Variants in HCN4 observed in about 807,000 individuals in gnomAD.
HCN4 encodes the protein potassium/sodium hyperpolarization-activated cyclic nucleotide-gated channel 4.
Under a neutral mutation model 76.9 loss-of-function variants are expected in HCN4, and 29 were observed. That is an observed-to-expected ratio of 0.38 (90% confidence interval 0.28 to 0.51). The LOEUF is 0.51. Ranked by LOEUF, HCN4 falls within the 20% of genes least tolerant of loss-of-function variation. The probability of loss-of-function intolerance (pLI) is 0.90; values close to 1 mark genes in which losing one functional copy is unlikely to be tolerated. For synonymous variants in HCN4, 772 were observed against 762.5 expected, an observed-to-expected ratio of 1.01 and a Z score of -0.21; for missense variants, 1,416 against 1,715.2, an observed-to-expected ratio of 0.83 and a Z score of 3.08.
chr15:73,345,837 C>T (rs1021463799), intron 1 of HCN4, among the ~76,000 whole-genome samples: 5 of 152,164 alleles, frequency 3.3e-5, no homozygotes, highest in African/African-American at 7.2e-5. Context: ...TAATAATACA[C>T]CCAGGCTGGA....
At chr15:73,329,885 A>G in intron 3 of HCN4, 94 bp from the exon 4 acceptor site, 1 of 1,059,330 alleles carries the variant, frequency 9.4e-7, no homozygotes, top group Non-Finnish European at 1.4e-6. Context: ...CCTCAACCTA[A>G]CTTTCTCAGT....
At chr15:73,332,021 C>A in intron 3 of HCN4, 110 bp downstream of exon 3, 1 of 1,077,730 alleles carries the variant, frequency 9.3e-7, no homozygotes, top group African/African-American at 1.5e-5. Context: ...CCAGGCAGCA[C>A]TCAGGGTCCT....
chr15:73,357,205 G>A (rs1279791234), intron 1 of HCN4, among the ~76,000 whole-genome samples: 1 of 152,180 alleles, frequency 6.6e-6, no homozygotes, highest in African/African-American at 2.4e-5. Context: ...AGGAAAGCAA[G>A]ACTCAGAGAG....
intron 1 of HCN4, among the ~76,000 whole-genome samples, chr15:73,362,559 T>A (rs887875125): frequency 6.6e-6 from 1 of 152,130 alleles, no homozygotes. Context: ...CAGAGCTCCG[T>A]CCAAATGCCA....
intron 1 of HCN4, among the ~76,000 whole-genome samples, chr15:73,360,288 A>T (rs756535419): frequency 1.3e-5 from 2 of 152,172 alleles, no homozygotes; most frequent in Non-Finnish European, 2.9e-5. Context: ...TTTGCAGACA[A>T]GACGTTACAC....
rs2043143474 is a variant in HCN4 at position 73,368,795 on chromosome 15, C to A, written c.-525G>T. On this transcript the variant is annotated 5_prime_UTR_variant, in exon 1 of 8. Transcript: ENST00000261917. This position sits in a 1 kb window ranked among gnomAD's most constrained non-coding sequence, Gnocchi z 6.9. ...CTCCTCTGCCCCGGCCCGTCCGGCC[C>A]GTCCCGGGGCTCCCGCCGCAACCGA... The A allele has an allele frequency of 6.6e-6, 1 of 152,034 alleles. No individual in the cohort carries two copies. Among genetic ancestry groups the A allele is most frequent in the African/African-American group, 2.4e-5 (1 of 41,448 alleles). 9.4% of individuals were successfully genotyped at this position (152,034 alleles called of 1,614,324 possible).
chr15:73,327,108 CTTTTTTT>C (rs975122477), intron 4 of HCN4, among the ~76,000 whole-genome samples: 1 of 131,108 alleles, frequency 7.6e-6, no homozygotes, highest in South Asian at 2.6e-4. Context: ...TTTTCTTTTT[CTTTTTTT>C]TTTTTTTTTG....
intron 2 of HCN4, among the ~76,000 whole-genome samples, chr15:73,341,404 AG>A (rs959488377): frequency 6.6e-6 from 1 of 152,086 alleles, no homozygotes; most frequent in Non-Finnish European, 1.5e-5. Flanking sequence ...GGCCTCCCAA[AG>A]TGCTAGGATT....
At chr15:73,366,314 T>C (rs1021201484) in intron 1 of HCN4, among the ~76,000 whole-genome samples, 1 of 152,170 alleles carries the variant, frequency 6.6e-6, no homozygotes, top group Non-Finnish European at 1.5e-5. Flanking sequence ...CCAGCTTCCC[T>C]GGAGTTTGCA....
At chr15:73,336,615 C>T (rs920160797) in intron 2 of HCN4, among the ~76,000 whole-genome samples, 1 of 152,162 alleles carries the variant, frequency 6.6e-6, no homozygotes, top group Non-Finnish European at 1.5e-5. Context: ...CAAAAACCCA[C>T]CAGCCAGCCG....
chr15:73,362,298 G>A (rs1479400941), intron 1 of HCN4, among the ~76,000 whole-genome samples: 4 of 152,176 alleles, frequency 2.6e-5, no homozygotes, highest in East Asian at 3.9e-4. Context: ...GAGATAAAAC[G>A]GAGCTCTGCC....
intron 4 of HCN4, among the ~76,000 whole-genome samples, chr15:73,327,108 CTTT>C (rs975122477): frequency 1.5e-5 from 2 of 131,068 alleles, no homozygotes; most frequent in Admixed American, 7.6e-5. Flanking sequence ...TTTTCTTTTT[CTTT>C]TTTTTTTTTT....
rs1399722748 is a variant in HCN4 at position 73,367,578 on chromosome 15, T to C, written c.693A>G (p.Leu231=). ...CGGCTTTCTGGCTGCCGAACATCCTTAGGGAGAATTTGTTGACCCCGGGTT... is the reference window on the plus strand; with the variant it reads ...CGGCTTTCTGGCTGCCGAACATCCTCAGGGAGAATTTGTTGACCCCGGGTT... ...MLQPGVNKFS[L]RMFGSQKAVE... The change falls in exon 1 of 8, where the codon CTA becomes CTG. Residue 231 remains leucine (L), a synonymous_variant. Transcript: ENST00000261917. This position sits in a 1 kb window ranked among gnomAD's most constrained non-coding sequence, Gnocchi z 7.5. The C allele has an allele frequency of 1.2e-6, 2 of 1,613,732 alleles. No individual in the cohort carries two copies. The highest frequency in any genetic ancestry group is 1.7e-6 in the Non-Finnish European group (2 of 1,179,972).
At chr15:73,342,889 C>T (rs1027041764) in intron 2 of HCN4, among the ~76,000 whole-genome samples, 1 of 152,214 alleles carries the variant, frequency 6.6e-6, no homozygotes, top group African/African-American at 2.4e-5. Flanking sequence ...CCCAATATAA[C>T]GGAGATGTTC....
Position 73,357,130 on chromosome 15 carries a change from G to A in HCN4, c.785+10356C>T, listed in dbSNP as rs1157067983. ...ATAAGCACCCAGATGACTCTTCAGCGGCTGCCAATTCAGGCTTTGGGATCT... is the reference window on the plus strand; with the variant it reads ...ATAAGCACCCAGATGACTCTTCAGCAGCTGCCAATTCAGGCTTTGGGATCT... On this transcript the variant is annotated intron_variant, in intron 1 of 7. Transcript: ENST00000261917. Among the ~76,000 whole-genome samples the A allele has an allele frequency of 3.3e-5, 5 of 152,150 alleles. No homozygotes were observed. In the South Asian group the frequency reaches 6.2e-4, roughly 19 times the overall value.
In HCN4 at chr15:73,323,436, G is replaced by A. The variant is rs200575377; in HGVS notation, c.2657C>T (p.Ala886Val). The change falls in exon 8 of 8, where the codon GCC (alanine) becomes GTC (valine). Residue 886 changes from alanine (A) to valine (V), a missense_variant. Coordinates refer to ENST00000261917, the MANE Select transcript of HCN4 (RefSeq NM_005477.3). ...TGTGGGAGCCGAGGGGGAGCCACAG[G>A]CCCCGGGGGGTGGGGAGGAGCTGGA... Reference protein sequence around the residue: ...PSSSSSPPPGACGSPSAPTPS... With the variant: ...PSSSSSPPPGVCGSPSAPTPS... 5.9e-4 allele frequency: 950 copies of A among 1,608,942 alleles called. 3 individuals carry two copies. The African/African-American group carries it at 0.012, about 20-fold the overall frequency.
In HCN4 at chr15:73,322,469, G is replaced by A. The variant is rs768796558; in HGVS notation, c.*12C>T. The A allele has an allele frequency of 6.4e-7, 1 of 1,571,062 alleles. No homozygotes were observed. The highest frequency in any genetic ancestry group is 8.7e-7 in the Non-Finnish European group (1 of 1,155,714). ...GAGAAAAGAAGAAAGAAGAGGGAAG[G>A]AAGGGCCCAGCTCATAGATTGGATG... On this transcript the variant is annotated 3_prime_UTR_variant, in exon 8 of 8. Coordinates refer to ENST00000261917, the MANE Select transcript of HCN4 (RefSeq NM_005477.3).
At chr15:73,324,810 T>C in intron 6 of HCN4, 145 bp downstream of exon 6, 1 of 956,534 alleles carries the variant, frequency 1.0e-6, no homozygotes. Flanking sequence ...CCAGACTGAC[T>C]AAGACACCCC....
intron 1 of HCN4, among the ~76,000 whole-genome samples, chr15:73,344,831 C>A (rs557034907): frequency 6.6e-6 from 1 of 152,220 alleles, no homozygotes; most frequent in Non-Finnish European, 1.5e-5. Flanking sequence ...GTGGCCAAGA[C>A]CCCAATCCAG....
Sources: gnomAD v4.1 joint callset for allele counts (sites outside exome capture counted in the v4.1 genomes callset) on GRCh38, gnomAD v4.1.1 for gene constraint, Gnocchi (gnomAD v3.1) non-coding constraint, MANE v1.5 for transcripts, NCBI Gene and HGNC (gene_info 2026-07-23, HGNC 2026-07-21) for gene names.